Variants in PCDHA8 observed in about 807,000 individuals in gnomAD.
The protein encoded by PCDHA8 is protocadherin alpha-8.
In PCDHA8, 53 loss-of-function variants were observed where a neutral mutation model predicts 61.8. That is an observed-to-expected ratio of 0.86 (90% CI 0.69 to 1.08). The LOEUF is 1.08. PCDHA8 is among the 50% of genes least tolerant of loss of function. The pLI, the probability that PCDHA8 is intolerant of heterozygous loss-of-function variation, is 0.00. For synonymous variants in PCDHA8, 618 were observed against 556.6 expected (o/e 1.11, Z -1.55); for missense variants, 1,293 against 1,245.0 (o/e 1.04, Z -0.58).
chr5:140,955,220 A>T (rs1016918569), intron 1 of PCDHA8, among the ~76,000 whole-genome samples: 1 of 152,130 alleles, frequency 6.6e-6, no homozygotes, highest in Non-Finnish European at 1.5e-5. Flanking sequence ...TGATGCCTCC[A>T]GCTTTGTTCT....
At chr5:140,844,618 A>G (rs1230516172) in intron 1 of PCDHA8, among the ~76,000 whole-genome samples, 4 of 149,532 alleles carry the variant, frequency 2.7e-5, no homozygotes, top group African/African-American at 9.8e-5. Context: ...AAATGTTTTC[A>G]TCAGAAAAAC....
intron 1 of PCDHA8, among the ~76,000 whole-genome samples, chr5:140,946,637 G>T: frequency 1.5e-5 from 1 of 64,620 alleles, no homozygotes; most frequent in African/African-American, 1.0e-4. Flanking sequence ...TATATACAAT[G>T]GAATACTCAT....
chr5:140,957,188 C>A (rs374236292), intron 1 of PCDHA8, among the ~76,000 whole-genome samples: 1 of 151,992 alleles, frequency 6.6e-6, no homozygotes, highest in Middle Eastern at 3.4e-3. Flanking sequence ...TATTGATGAC[C>A]GATTGGGAAT....
chr5:140,941,647 C>T (rs1435033243), intron 1 of PCDHA8, among the ~76,000 whole-genome samples: 2 of 152,002 alleles, frequency 1.3e-5, no homozygotes, highest in South Asian at 2.1e-4. Flanking sequence ...CTTCCTACAA[C>T]TTATGTCCAA....
rs782319322 is a variant in PCDHA8, at chr5:140,870,788, C to T, written c.2394+27073C>T. 6 of 1,613,518 alleles carry T rather than the reference C, an allele frequency of 3.7e-6. No individual in the cohort carries two copies. The Admixed American group carries it at 6.7e-5, about 18-fold the overall frequency. On this transcript the variant is annotated intron_variant, in intron 1 of 3. Coordinates refer to ENST00000531613, the MANE Select transcript of PCDHA8 (RefSeq NM_018911.3). Reference sequence around the variant, plus strand: ...GTGCTGGACGAGAACGACAACGCGCCGGCACTGCTGGCGACTCAGGCTGGC... The same window carrying T: ...GTGCTGGACGAGAACGACAACGCGCTGGCACTGCTGGCGACTCAGGCTGGC...
intron 1 of PCDHA8, chr5:140,966,770 G>C: frequency 2.0e-6 from 3 of 1,500,088 alleles, no homozygotes; most frequent in Non-Finnish European, 2.7e-6. Flanking sequence ...AGTGGCTATG[G>C]AGCAGGCGGG....
chr5:140,940,940 G>A (rs187772223), intron 1 of PCDHA8, among the ~76,000 whole-genome samples: 2 of 152,254 alleles, frequency 1.3e-5, no homozygotes, highest in Non-Finnish European at 2.9e-5. Context: ...CTTAGACTAC[G>A]TATTCTCAGA....
intron 1 of PCDHA8, chr5:140,878,049 A>G (rs1365340256): frequency 2.1e-6 from 1 of 479,780 alleles, no homozygotes; most frequent in African/African-American, 2.0e-5. Flanking sequence ...GCCATGGAGC[A>G]CCACACTTAA....
At position 140,884,782 on chromosome 5, in the gene PCDHA8, A is replaced by T. The variant is rs2060354278; in HGVS notation, c.2394+41067A>T. ...TCTTTACTTTAATTTTAATTTTGCTAGTTGTTATCGAATTTAACAACTCTG... is the reference window on the plus strand; with the variant it reads ...TCTTTACTTTAATTTTAATTTTGCTTGTTGTTATCGAATTTAACAACTCTG... On this transcript the variant is annotated intron_variant, in intron 1 of 3. Coordinates refer to ENST00000531613, the MANE Select transcript of PCDHA8 (RefSeq NM_018911.3). 8 of 1,395,472 alleles carry T rather than the reference A, an allele frequency of 5.7e-6. 1 individual carries two copies. The highest frequency in any genetic ancestry group is 3.3e-5 in the South Asian group (2 of 60,762). 86.4% of individuals were successfully genotyped at this position (1,395,472 alleles called of 1,614,324 possible). A position where few individuals can be genotyped will look rare whatever the true frequency, so the allele number is the denominator to read the frequency against.
chr5:140,970,425 C>T (rs1554232453), intron 1 of PCDHA8, among the ~76,000 whole-genome samples: 1 of 151,722 alleles, frequency 6.6e-6, no homozygotes, highest in Non-Finnish European at 1.5e-5. Flanking sequence ...GGTGTAGAGG[C>T]AGGTGTTAGT....
At chr5:140,951,543 CG>C (rs1201907714) in intron 1 of PCDHA8, among the ~76,000 whole-genome samples, 2 of 151,550 alleles carry the variant, frequency 1.3e-5, no homozygotes, top group Admixed American at 1.3e-4. Flanking sequence ...GAGCAAGGGA[CG>C]GGGGGAAGTG....
At chr5:140,978,924 GA>G (rs781894146) in intron 1 of PCDHA8, 24 bp from the exon 2 acceptor site, 202 of 1,613,894 alleles carry the variant, frequency 1.3e-4, no homozygotes, top group Middle Eastern at 6.6e-4. Context: ...CATTTTAACA[GA>G]AAACTCTCTT....
In PCDHA8 at chr5:140,857,333, G is replaced by A. The variant is rs200210897; in HGVS notation, c.2394+13618G>A. 35 of 1,598,586 alleles carry A rather than the reference G, an allele frequency of 2.2e-5. 1 individual carries two copies. The highest frequency in any genetic ancestry group is 4.4e-5 in the South Asian group (4 of 90,524). On this transcript the variant is annotated intron_variant, in intron 1 of 3. Coordinates refer to ENST00000531613, the MANE Select transcript of PCDHA8 (RefSeq NM_018911.3). ...TGAGCTGGTGGTGACCGCGCGGGAC[G>A]GGGGCTCGCCTCCGCTGTGGGCCAC... is the stretch of plus-strand genomic sequence containing the variant.
At chr5:140,882,811 C>T in intron 1 of PCDHA8, 2 of 1,614,192 alleles carry the variant, frequency 1.2e-6, no homozygotes, top group Non-Finnish European at 8.5e-7. Flanking sequence ...TCACTTTGGA[C>T]GCACAAAACA....
chr5:140,899,752 A>G lies in PCDHA8; in HGVS notation c.2394+56037A>G, dbSNP rs190521600. On this transcript the variant is annotated intron_variant, in intron 1 of 3. Transcript: ENST00000531613. ...ATTGATTGGAATAGTTTCAGAAGGA[A>G]TGGTACCAGTTCCTCCTTTTACCTC... Among the ~76,000 whole-genome samples the G allele has an allele frequency of 4.0e-4, 61 of 152,320 alleles. No homozygotes were observed. The East Asian group carries it at 8.7e-3, about 22-fold the overall frequency.
intron 1 of PCDHA8, chr5:140,883,493 C>T (rs1554178441): frequency 6.2e-7 from 1 of 1,614,174 alleles, no homozygotes; most frequent in Non-Finnish European, 8.5e-7. Flanking sequence ...CTCATTAGTG[C>T]TGGACAGCGC....
intron 1 of PCDHA8, chr5:140,862,613 A>G (rs1247840424): frequency 7.6e-6 from 4 of 522,928 alleles, no homozygotes; most frequent in Non-Finnish European, 1.6e-5. Flanking sequence ...GTGAAAGGTA[A>G]CAACCCGCGG....
At chr5:140,928,671 T>C in intron 1 of PCDHA8, 7 of 1,614,214 alleles carry the variant, frequency 4.3e-6, no homozygotes, top group Non-Finnish European at 5.9e-6. Context: ...GTGGTTCTAA[T>C]GCCTGGCTTT....
rs1307872758 is a variant in PCDHA8, at chr5:140,858,559, T to A, written c.2394+14844T>A. The A allele has an allele frequency of 2.2e-6, 3 of 1,382,404 alleles. No homozygotes were observed. The African/African-American group carries it at 4.3e-5, about 20-fold the overall frequency. The allele number at this position is 1,382,404 out of a possible 1,614,324, so 85.6% of individuals were successfully genotyped here. On this transcript the variant is annotated intron_variant, in intron 1 of 3. Coordinates refer to ENST00000531613, the MANE Select transcript of PCDHA8 (RefSeq NM_018911.3). The stretch of plus-strand genomic sequence containing the variant: ...CTACATTCCATTTATGCTTGAATAT[T>A]TCTAGTGATACCTTTGTAATATAAT...
Sources: allele counts gnomAD v4.1 joint callset (sites outside exome capture counted in the v4.1 genomes callset), GRCh38; gene constraint gnomAD v4.1.1; transcripts MANE v1.5; gene names NCBI Gene and HGNC (gene_info 2026-07-23, HGNC 2026-07-21).